Variants in ATP8A2 observed in about 807,000 individuals in gnomAD.
ATP8A2 encodes ATPase phospholipid transporting 8A2, also known as phospholipid-transporting ATPase IB.
Under a neutral mutation model 165.6 loss-of-function variants are expected in ATP8A2, and 100 were observed. The observed-to-expected ratio is 0.60, with a 90% CI of 0.51 to 0.71. ATP8A2 has a LOEUF of 0.71. Ranked by LOEUF, ATP8A2 falls within the 30% of genes least tolerant of loss-of-function variation. ATP8A2 has a pLI of 0.00. For missense variants in ATP8A2, 1,227 were observed against 1,479.5 expected (o/e 0.83, Z 2.80); for synonymous variants, 543 against 548.8 (o/e 0.99, Z 0.15).
At chr13:25,693,407 A>C (rs1016267187) in intron 24 of ATP8A2, among the ~76,000 whole-genome samples, 5 of 152,192 alleles carry the variant, frequency 3.3e-5, no homozygotes, top group African/African-American at 7.2e-5. Flanking sequence ...TGCAGGAATT[A>C]AACTCAAAGT....
intron 35 of ATP8A2, among the ~76,000 whole-genome samples, chr13:25,968,940 T>C (rs972771337): frequency 2.0e-5 from 3 of 152,166 alleles, no homozygotes; most frequent in African/African-American, 7.2e-5. Context: ...AAAATCGATG[T>C]TGTGGCAGTA....
intron 10 of ATP8A2, among the ~76,000 whole-genome samples, chr13:25,549,163 T>C (rs558098990): frequency 6.6e-6 from 1 of 152,066 alleles, no homozygotes; most frequent in East Asian, 1.9e-4. Flanking sequence ...TGTTGTCTCT[T>C]AAAAGTCCGG....
chr13:25,465,738 TCCCTCCCTCCCTCTCTCTCTCTCTTTCTC>T (rs1566153616), intron 1 of ATP8A2, among the ~76,000 whole-genome samples: 15 of 17,296 alleles, frequency 8.7e-4, no homozygotes, highest in Admixed American at 2.8e-3. Flanking sequence ...TTTCTTTCTT[TCCCTCCCTCCCTCTCTCTCTCTCTTTCTC>T]TCTTTCTCTC....
chr13:25,981,477 T>A, intron 35 of ATP8A2, among the ~76,000 whole-genome samples: 1 of 152,190 alleles, frequency 6.6e-6, no homozygotes. Context: ...AATATGTAAT[T>A]ACAATTACTA....
At chr13:25,769,379 TC>T in intron 26 of ATP8A2, 150 bp downstream of exon 26, 1 of 750,892 alleles carries the variant, frequency 1.3e-6, no homozygotes, top group Non-Finnish European at 2.1e-6. Context: ...TATTTGGAAT[TC>T]TCTGTAGTTG....
At position 25,452,645 on chromosome 13, in the gene ATP8A2, A is replaced by G. The variant is rs188857423; in HGVS notation, c.77-16332A>G. Among the ~76,000 whole-genome samples, 16 of 152,318 alleles carry G rather than the reference A, an allele frequency of 1.1e-4. No individual in the cohort carries two copies. In the East Asian group the frequency reaches 2.9e-3, roughly 28 times the overall value. Reference sequence around the variant, plus strand: ...ATATTAGACATTTTATATTTCTGGGACGATCTCAAATATTTAAAACAGTAA... The same window carrying G: ...ATATTAGACATTTTATATTTCTGGGGCGATCTCAAATATTTAAAACAGTAA... On this transcript the variant is annotated intron_variant, in intron 1 of 36. Coordinates refer to ENST00000381655, the MANE Select transcript of ATP8A2 (RefSeq NM_016529.6).
chr13:25,500,182 T>C (rs907561013), intron 2 of ATP8A2, among the ~76,000 whole-genome samples: 2 of 152,178 alleles, frequency 1.3e-5, no homozygotes, highest in Admixed American at 6.5e-5. Context: ...AGATTCCTGT[T>C]TCCCTGGACT....
At chr13:25,665,723 A>ATTT (rs1004258513) in intron 24 of ATP8A2, among the ~76,000 whole-genome samples, 5 of 151,606 alleles carry the variant, frequency 3.3e-5, no homozygotes, top group Admixed American at 6.6e-5. Flanking sequence ...TATTATTATT[A>ATTT]TTATTTTAGA....
At chr13:25,516,183 T>C (rs575257728) in intron 2 of ATP8A2, among the ~76,000 whole-genome samples, 1 of 152,330 alleles carries the variant, frequency 6.6e-6, no homozygotes, top group Admixed American at 6.5e-5. Flanking sequence ...TCGGTTTAGC[T>C]TTCCATCCAG....
chr13:25,925,209 G>A (rs1330430219), intron 33 of ATP8A2, among the ~76,000 whole-genome samples: 1 of 152,058 alleles, frequency 6.6e-6, no homozygotes, highest in African/African-American at 2.4e-5. Context: ...TGACTTTCAG[G>A]TGCTTACTGT....
intron 24 of ATP8A2, among the ~76,000 whole-genome samples, chr13:25,630,343 C>T (rs954431941): frequency 6.6e-6 from 1 of 152,134 alleles, no homozygotes; most frequent in Non-Finnish European, 1.5e-5. Flanking sequence ...TTGCGTGTGT[C>T]CAGGAGAAGT....
chr13:25,846,539 G>C (rs535206829), intron 30 of ATP8A2, among the ~76,000 whole-genome samples: 32 of 152,298 alleles, frequency 2.1e-4, no homozygotes, highest in African/African-American at 7.0e-4. Flanking sequence ...GAGATATTGC[G>C]GGGCAGATTG....
At chr13:25,725,824 A>G (rs1264718020) in intron 25 of ATP8A2, among the ~76,000 whole-genome samples, 1 of 152,226 alleles carries the variant, frequency 6.6e-6, no homozygotes, top group Non-Finnish European at 1.5e-5. Flanking sequence ...AAGGACCACA[A>G]AAGATCAGTC....
At chr13:25,378,330 C>CT (rs1194953025) in intron 1 of ATP8A2, among the ~76,000 whole-genome samples, 10 of 141,778 alleles carry the variant, frequency 7.1e-5, no homozygotes, top group South Asian at 2.3e-4. Context: ...CTCATTAACT[C>CT]TGTTTTTTTT....
chr13:25,732,530 A>T (rs892353896), intron 25 of ATP8A2, among the ~76,000 whole-genome samples: 2 of 152,266 alleles, frequency 1.3e-5, no homozygotes, highest in Admixed American at 1.3e-4. Flanking sequence ...TATGTAATTC[A>T]TGGCCAAGAA....
chr13:25,559,784 T>C lies in ATP8A2; in HGVS notation c.1397+19T>C. On this transcript the variant is annotated intron_variant, in intron 15 of 36. Transcript: ENST00000381655. ...ACTTCTGGTAAGTAGATTCTAGCAC[T>C]TCTTGACACTTTAGTGGAAAAGCTT... 6.3e-7 allele frequency: 1 copy of C among 1,575,584 alleles called. No homozygotes were observed. The highest frequency in any genetic ancestry group is 2.2e-5 in the East Asian group (1 of 44,666).
intron 1 of ATP8A2, among the ~76,000 whole-genome samples, chr13:25,384,637 AT>A (rs536366257): frequency 0.01 from 1,567 of 151,694 alleles, 30 homozygotes; most frequent in African/African-American, 0.036. Context: ...TTCAACAATT[AT>A]TTTTTTTCTT....
chr13:25,485,656 C>T (rs763476676), intron 2 of ATP8A2, among the ~76,000 whole-genome samples: 71 of 152,096 alleles, frequency 4.7e-4, no homozygotes, highest in Non-Finnish European at 9.1e-4. Context: ...AGACTGTGGC[C>T]GACGCATAAG....
intron 25 of ATP8A2, among the ~76,000 whole-genome samples, chr13:25,745,071 G>T (rs1288570796): frequency 3.3e-5 from 5 of 152,126 alleles, no homozygotes; most frequent in Admixed American, 1.3e-4. Flanking sequence ...CTCCCGAGTA[G>T]CTGGGACTAC....
Sources: allele counts gnomAD v4.1 joint callset (sites outside exome capture counted in the v4.1 genomes callset), GRCh38; gene constraint gnomAD v4.1.1; transcripts MANE v1.5; gene names NCBI Gene and HGNC (gene_info 2026-07-23, HGNC 2026-07-21).